CORO2B: variants seen among roughly 807,000 people sequenced by gnomAD.
CORO2B encodes the protein coronin-2B.
In CORO2B, 26 loss-of-function variants were observed where a neutral mutation model predicts 58.8. The observed-to-expected ratio is 0.44, with a 90% CI of 0.32 to 0.61. CORO2B has a LOEUF of 0.61. CORO2B is among the 20% of genes least tolerant of loss of function. The pLI, the probability that CORO2B is intolerant of heterozygous loss-of-function variation, is 0.04. For missense variants in CORO2B, 460 were observed against 645.1 expected, an observed-to-expected ratio of 0.71 and a Z score of 3.11; for synonymous variants, 242 against 253.8, an observed-to-expected ratio of 0.95 and a Z score of 0.44.
chr15:68,621,767 CT>C (rs34809209), intron 1 of CORO2B, among the ~76,000 whole-genome samples: 3,724 of 136,226 alleles, frequency 0.027, 111 homozygotes, highest in African/African-American at 0.088. Flanking sequence ...AGTTTCACTT[CT>C]TTTTTTTTTT....
intron 1 of CORO2B, among the ~76,000 whole-genome samples, chr15:68,588,484 G>A (rs996727258): frequency 1.3e-5 from 2 of 152,102 alleles, no homozygotes; most frequent in Admixed American, 6.5e-5. Flanking sequence ...GTATTATCCC[G>A]GCTCTCTGTA....
chr15:68,648,725 C>A (rs1226526033), intron 2 of CORO2B, among the ~76,000 whole-genome samples: 1 of 152,106 alleles, frequency 6.6e-6, no homozygotes, highest in Admixed American at 6.6e-5. Flanking sequence ...TCACAGAAGG[C>A]AAAATATATA....
intron 2 of CORO2B, among the ~76,000 whole-genome samples, chr15:68,693,842 T>C (rs1374494058): frequency 6.6e-6 from 1 of 151,994 alleles, no homozygotes; most frequent in East Asian, 1.9e-4. Context: ...TGTTTGTTTG[T>C]TTGTTTGTTT....
intron 2 of CORO2B, among the ~76,000 whole-genome samples, chr15:68,660,412 C>T (rs969294133): frequency 3.3e-5 from 5 of 152,120 alleles, no homozygotes; most frequent in East Asian, 1.9e-4. Flanking sequence ...GCTCTGTTGC[C>T]GTGGCTGGAG....
In CORO2B at chr15:68,710,694, C is replaced by T. The variant is rs535464866; in HGVS notation, c.334-38C>T. On this transcript the variant is annotated intron_variant, in intron 3 of 11. Transcript: ENST00000261861. This position sits in a 1 kb window ranked among gnomAD's most constrained non-coding sequence, Gnocchi z 4.1. ...ACCTCTCATCAAGGGACTTCTTGGCCGTGTCCACCCAGCCTGGACCCTCAT... is the reference window on the plus strand; with the variant it reads ...ACCTCTCATCAAGGGACTTCTTGGCTGTGTCCACCCAGCCTGGACCCTCAT... The T allele has an allele frequency of 2.0e-5, 30 of 1,532,516 alleles. No homozygotes were observed. Among genetic ancestry groups the T allele is most frequent in the East Asian group, 1.4e-4 (6 of 42,474 alleles). The allele number at this position is 1,532,516 out of a possible 1,614,324, so 94.9% of individuals were successfully genotyped here. A position where few individuals can be genotyped will look rare whatever the true frequency, so the allele number is the denominator to read the frequency against.
At chr15:68,576,152 CAAAAAAAA>C (rs3985627), upstream of CORO2B, among the ~76,000 whole-genome samples, 5 of 62,190 alleles carry the variant, frequency 8.0e-5, no homozygotes, top group African/African-American at 1.3e-4. Context: ...GACTACGTCG[CAAAAAAAA>C]AAAAAAAAAA....
At chr15:68,658,015 C>T (rs1901874410) in intron 2 of CORO2B, among the ~76,000 whole-genome samples, 1 of 152,230 alleles carries the variant, frequency 6.6e-6, no homozygotes. Flanking sequence ...TCCTGTGGGG[C>T]TCCCCAAACT....
the CORO2B span, among the ~76,000 whole-genome samples, chr15:68,527,197 A>G: frequency 1.3e-5 from 2 of 152,212 alleles, no homozygotes; most frequent in Admixed American, 1.3e-4. Flanking sequence ...CTAACAAATT[A>G]ATAGAAAAAC....
the CORO2B span, among the ~76,000 whole-genome samples, chr15:68,569,716 G>A: frequency 1.3e-5 from 2 of 152,220 alleles, no homozygotes; most frequent in Non-Finnish European, 2.9e-5. Context: ...AATTGCCACA[G>A]GGTCTTCCAA....
At chr15:68,576,133 A>C (rs1256827064), upstream of CORO2B, among the ~76,000 whole-genome samples, 1 of 130,874 alleles carries the variant, frequency 7.6e-6, no homozygotes, top group Admixed American at 8.3e-5. Context: ...AGCCTGGGTG[A>C]CAGAGTGAGA....
chr15:68,723,891 A>G (rs1276495602), intron 11 of CORO2B, among the ~76,000 whole-genome samples: 2 of 152,132 alleles, frequency 1.3e-5, no homozygotes, highest in African/African-American at 4.8e-5. Context: ...CCTGGGCAAC[A>G]TGGCAAGACT....
At chr15:68,613,551 T>C (rs1450347794) in intron 1 of CORO2B, among the ~76,000 whole-genome samples, 2 of 152,318 alleles carry the variant, frequency 1.3e-5, no homozygotes, top group East Asian at 3.9e-4. Flanking sequence ...AGATTTGGAA[T>C]TGCAAGCACT....
At chr15:68,552,035 C>T in the CORO2B span, among the ~76,000 whole-genome samples, 685 of 152,172 alleles carry the variant, frequency 4.5e-3, 7 homozygotes, top group African/African-American at 0.016. Context: ...TTCTGGAACC[C>T]AGAAGGGGCT....
chr15:68,551,971 G>A, the CORO2B span, among the ~76,000 whole-genome samples: 23 of 151,928 alleles, frequency 1.5e-4, no homozygotes, highest in African/African-American at 4.8e-4. Flanking sequence ...GGTGGGGGCC[G>A]GGGGAGACCT....
the CORO2B span, among the ~76,000 whole-genome samples, chr15:68,558,670 T>C: frequency 6.6e-6 from 1 of 152,180 alleles, no homozygotes; most frequent in Non-Finnish European, 1.5e-5. Context: ...GCCACCGCAC[T>C]GGCCTCTCTC....
Position 68,725,835 on chromosome 15 carries a change from C to T in CORO2B, c.1312-8C>T. ...CCCTCCTTGGCCCCCTCTCTTCCTC[C>T]ACCCCAGCTCCTTCGAATGTTCTTC... On this transcript the variant is annotated splice_polypyrimidine_tract_variant and splice_region_variant and intron_variant, in intron 11 of 11. Coordinates refer to ENST00000261861, the MANE Select transcript of CORO2B (RefSeq NM_006091.5). 1 of 1,613,478 alleles carries T rather than the reference C, an allele frequency of 6.2e-7. No individual in the cohort carries two copies. The highest frequency in any genetic ancestry group is 1.1e-5 in the South Asian group (1 of 91,080).
intron 1 of CORO2B, among the ~76,000 whole-genome samples, chr15:68,597,132 A>G (rs1429718679): frequency 1.4e-4 from 22 of 152,022 alleles, no homozygotes; most frequent in Non-Finnish European, 1.5e-4. Flanking sequence ...CAAATTGCGT[A>G]AAACCAAAGA....
rs774805081 is a variant in CORO2B at position 68,719,217 on chromosome 15, T to G, written c.1154T>G (p.Leu385Arg). 6.2e-7 allele frequency: 1 copy of G among 1,613,914 alleles called. No individual in the cohort carries two copies. The highest frequency in any genetic ancestry group is 8.5e-7 in the Non-Finnish European group (1 of 1,179,986). ...CCAGCACTGACCCCGGATGAATGGC[T>G]GGGAGGCATCAACCGAGGTACCACA... is the stretch of plus-strand genomic sequence containing the variant. ...TEPALTPDEW[L>R]GGINRDPVLM... Residue 385 changes from leucine (L) to arginine (R), a missense_variant, in exon 10 of 12, where the codon CTG becomes CGG. By Grantham distance (102) the Leu-to-Arg change is moderately radical. Transcript: ENST00000261861.
At chr15:68,708,980 C>G (rs1364568122) in intron 3 of CORO2B, among the ~76,000 whole-genome samples, 2 of 152,236 alleles carry the variant, frequency 1.3e-5, no homozygotes, top group Admixed American at 1.3e-4. Flanking sequence ...CTCACCTGGA[C>G]TTGACTTTCT....
Sources: allele counts gnomAD v4.1 joint callset (sites outside exome capture counted in the v4.1 genomes callset), GRCh38; gene constraint gnomAD v4.1.1; non-coding constraint Gnocchi (gnomAD v3.1); transcripts MANE v1.5; gene names NCBI Gene and HGNC (gene_info 2026-07-23, HGNC 2026-07-21).